Variants in GRXCR1 observed in about 807,000 individuals in gnomAD.
GRXCR1 encodes the protein glutaredoxin domain-containing cysteine-rich protein 1.
Under a neutral mutation model 27.3 loss-of-function variants are expected in GRXCR1, and 27 were observed. The ratio of observed to expected loss-of-function variants is 0.99; its 90% CI spans 0.73 to 1.37. GRXCR1 has a LOEUF of 1.37. GRXCR1 is among the 40% of genes most tolerant of loss of function. The pLI is 0.00. For synonymous variants in GRXCR1, 122 were observed against 131.1 expected (o/e 0.93, Z 0.47); for missense variants, 379 against 354.4 (o/e 1.07, Z -0.56).
intron 2 of GRXCR1, among the ~76,000 whole-genome samples, chr4:42,999,866 C>T (rs1172535304): frequency 6.6e-6 from 1 of 152,202 alleles, no homozygotes; most frequent in Non-Finnish European, 1.5e-5. Context: ...TACTAAATTC[C>T]TAAGATTGTT....
chr4:43,000,199 G>A (rs1712305406), intron 2 of GRXCR1, among the ~76,000 whole-genome samples: 1 of 152,108 alleles, frequency 6.6e-6, no homozygotes, highest in African/African-American at 2.4e-5. Flanking sequence ...CGTCTAAGGG[G>A]GTGGGCACTG....
At chr4:42,897,199 CA>C (rs1423099887) in intron 1 of GRXCR1, among the ~76,000 whole-genome samples, 2 of 152,104 alleles carry the variant, frequency 1.3e-5, no homozygotes, top group African/African-American at 2.4e-5. Flanking sequence ...TTGCTGTTAG[CA>C]GCAAAATATT....
At chr4:43,006,749 T>A (rs866919233) in intron 2 of GRXCR1, among the ~76,000 whole-genome samples, 19 of 152,260 alleles carry the variant, frequency 1.2e-4, no homozygotes, top group African/African-American at 4.1e-4. Flanking sequence ...TGTAAAGTAC[T>A]TGATGTCTGT....
At chr4:42,977,723 A>T (rs1162636078) in intron 2 of GRXCR1, among the ~76,000 whole-genome samples, 2 of 152,018 alleles carry the variant, frequency 1.3e-5, no homozygotes, top group African/African-American at 4.8e-5. Context: ...TCAGATGGAT[A>T]GTTTGCAAAT....
chr4:42,964,674 T>C (rs1370488288), intron 2 of GRXCR1, among the ~76,000 whole-genome samples: 7 of 152,050 alleles, frequency 4.6e-5, no homozygotes, highest in Non-Finnish European at 1.0e-4. Flanking sequence ...AAACCCTTGC[T>C]CTTTGGCACA....
chr4:43,019,291 A>C (rs1713027844), intron 2 of GRXCR1, among the ~76,000 whole-genome samples: 2 of 152,336 alleles, frequency 1.3e-5, no homozygotes, highest in Non-Finnish European at 2.9e-5. Context: ...TTACAAAAAA[A>C]TACACTTTTA....
At chr4:43,014,725 G>A (rs1434445049) in intron 2 of GRXCR1, among the ~76,000 whole-genome samples, 1 of 152,140 alleles carries the variant, frequency 6.6e-6, no homozygotes, top group Non-Finnish European at 1.5e-5. Flanking sequence ...ATTTTGATGT[G>A]CCTTGGCTTG....
intron 1 of GRXCR1, among the ~76,000 whole-genome samples, chr4:42,920,350 A>C (rs768483768): frequency 1.6e-4 from 23 of 145,780 alleles, no homozygotes; most frequent in Non-Finnish European, 3.1e-4. Flanking sequence ...TTTATTTACA[A>C]CTTATAATGG....
chr4:43,023,034 A>G (rs1222026244), intron 3 of GRXCR1, among the ~76,000 whole-genome samples: 1 of 152,188 alleles, frequency 6.6e-6, no homozygotes, highest in East Asian at 1.9e-4. Flanking sequence ...TCTGACTCCA[A>G]ACCCATGATG....
intron 1 of GRXCR1, among the ~76,000 whole-genome samples, chr4:42,929,934 A>C (rs1181007726): frequency 1.3e-5 from 2 of 151,970 alleles, no homozygotes; most frequent in East Asian, 3.9e-4. Context: ...GGGTAAGGAA[A>C]CTGAAGTATA....
chr4:43,026,918 A>T (rs902166273), intron 3 of GRXCR1, among the ~76,000 whole-genome samples: 1 of 152,214 alleles, frequency 6.6e-6, no homozygotes, highest in African/African-American at 2.4e-5. Context: ...GTAGCCCGAG[A>T]ATCTTTCCAG....
In GRXCR1 at chr4:42,998,403, A is replaced by G. The variant is rs1273643058; in HGVS notation, c.628-21951A>G. ...ATTCATGTACAAATGTTCCATGCACATGTAATTAAGTAGAGTATAAATACT... is the reference window on the plus strand; with the variant it reads ...ATTCATGTACAAATGTTCCATGCACGTGTAATTAAGTAGAGTATAAATACT... On this transcript the variant is annotated intron_variant, in intron 2 of 3. Coordinates refer to ENST00000399770, the MANE Select transcript of GRXCR1 (RefSeq NM_001080476.3). Among the ~76,000 whole-genome samples the G allele has an allele frequency of 3.3e-5, 5 of 152,350 alleles. No individual in the cohort carries two copies. The East Asian group carries it at 7.7e-4, about 23-fold the overall frequency.
At chr4:42,965,939 G>A (rs1205023032) in intron 2 of GRXCR1, among the ~76,000 whole-genome samples, 1 of 151,896 alleles carries the variant, frequency 6.6e-6, no homozygotes, top group African/African-American at 2.4e-5. Flanking sequence ...AAATAACAGA[G>A]TTTAATGGAC....
chr4:42,903,531 C>T (rs1354794376), intron 1 of GRXCR1, among the ~76,000 whole-genome samples: 1 of 147,158 alleles, frequency 6.8e-6, no homozygotes, highest in Non-Finnish European at 1.5e-5. Context: ...CCAGGATGGT[C>T]TCTATCTCCA....
At chr4:42,906,686 A>T (rs1054383889) in intron 1 of GRXCR1, among the ~76,000 whole-genome samples, 7 of 152,274 alleles carry the variant, frequency 4.6e-5, no homozygotes, top group Non-Finnish European at 7.3e-5. Flanking sequence ...ATTTAAGAGG[A>T]TACTAGTAGT....
chr4:42,940,017 C>A (rs1053721308), intron 1 of GRXCR1, among the ~76,000 whole-genome samples: 1 of 151,810 alleles, frequency 6.6e-6, no homozygotes. Flanking sequence ...AGCCTTTACC[C>A]GTGGAGAGCA....
intron 1 of GRXCR1, among the ~76,000 whole-genome samples, chr4:42,943,894 C>T (rs1370389146): frequency 2.0e-5 from 3 of 151,982 alleles, no homozygotes; most frequent in Non-Finnish European, 2.9e-5. Context: ...AAACACTCTA[C>T]AATGTATAGG....
chr4:42,932,607 T>G lies in GRXCR1; in HGVS notation c.385-30285T>G, dbSNP rs1193905069. Among the ~76,000 whole-genome samples, 256 of 55,306 alleles carry G rather than the reference T, an allele frequency of 4.6e-3. 4 individuals are homozygous for G. Among genetic ancestry groups the G allele is most frequent in the African/African-American group, 0.015 (218 of 14,528 alleles). The allele number at this position is 55,306 out of a possible 152,430, so 36.3% of individuals were successfully genotyped here. On this transcript the variant is annotated intron_variant, in intron 1 of 3. Transcript: ENST00000399770. ...ATATATATATATATATATATATATA[T>G]ATATATATATATAGAGAGAGAGAGA... is the stretch of plus-strand genomic sequence containing the variant.
rs75252355 is a variant in GRXCR1, at chr4:43,023,412, G to T, written c.693+2993G>T. Among the ~76,000 whole-genome samples, 90 of 152,252 alleles carry T rather than the reference G, an allele frequency of 5.9e-4. No individual in the cohort carries two copies. The East Asian group carries it at 0.017, about 28-fold the overall frequency. Reference sequence around the variant, plus strand: ...GTCAGAAAATAATTCCAAATTTTTTGTGCACCAAGAATCTTATCATATATC... The same window carrying T: ...GTCAGAAAATAATTCCAAATTTTTTTTGCACCAAGAATCTTATCATATATC... On this transcript the variant is annotated intron_variant, in intron 3 of 3. Transcript: ENST00000399770.
Sources: gnomAD v4.1 joint callset for allele counts (sites outside exome capture counted in the v4.1 genomes callset) on GRCh38, gnomAD v4.1.1 for gene constraint, MANE v1.5 for transcripts, NCBI Gene and HGNC (gene_info 2026-07-23, HGNC 2026-07-21) for gene names.